The following CSMD1 variants were observed in gnomAD, a reference collection of about 807,000 sequenced individuals.
CSMD1 encodes CUB and Sushi multiple domains 1, also known as CUB and sushi domain-containing protein 1.
Under a neutral mutation model 417.5 loss-of-function variants are expected in CSMD1, and 213 were observed. That is an observed-to-expected ratio of 0.51 (90% CI 0.46 to 0.57). The LOEUF is 0.57. Among genes scored for constraint, CSMD1 ranks in the 20% least tolerant of loss-of-function variants. The probability of loss-of-function intolerance (pLI) is 0.00; values close to 1 mark genes in which losing one functional copy is unlikely to be tolerated. For synonymous variants in CSMD1, 2,862 were observed against 1,736.8 expected, an observed-to-expected ratio of 1.65 and a Z score of -16.11; for missense variants, 6,923 against 4,529.7, an observed-to-expected ratio of 1.53 and a Z score of -15.17.
chr8:2,962,149 G>C (rs1001668878), intron 61 of CSMD1, among the ~76,000 whole-genome samples: 1 of 152,180 alleles, frequency 6.6e-6, no homozygotes, highest in Non-Finnish European at 1.5e-5. Context: ...TTTAGAGAAT[G>C]TTCCTACCTG....
intron 46 of CSMD1, among the ~76,000 whole-genome samples, chr8:3,105,857 C>G (rs534793519): frequency 1.3e-5 from 2 of 152,264 alleles, no homozygotes; most frequent in Admixed American, 6.5e-5. Context: ...AAAGGAAATA[C>G]TTTGTAAGTT....
chr8:4,596,357 T>G (rs1256338679), intron 2 of CSMD1, among the ~76,000 whole-genome samples: 1 of 152,200 alleles, frequency 6.6e-6, no homozygotes, highest in East Asian at 1.9e-4. Flanking sequence ...TCTAAGGGTC[T>G]CAGGGAGACT....
chr8:4,240,952 C>A (rs1394167366), intron 3 of CSMD1, among the ~76,000 whole-genome samples: 1 of 152,092 alleles, frequency 6.6e-6, no homozygotes, highest in Non-Finnish European at 1.5e-5. Context: ...GACAATTATA[C>A]CTTCTAAATA....
chr8:3,827,637 C>T (rs1343830724), intron 5 of CSMD1, among the ~76,000 whole-genome samples: 2 of 152,164 alleles, frequency 1.3e-5, no homozygotes, highest in Admixed American at 6.6e-5. Flanking sequence ...TCTATAAAAA[C>T]CTCTTCGAAT....
chr8:4,169,929 C>T (rs938379960), intron 3 of CSMD1, among the ~76,000 whole-genome samples: 13 of 151,924 alleles, frequency 8.6e-5, no homozygotes, highest in Admixed American at 2.0e-4. Flanking sequence ...GAACGTAACT[C>T]AGAAGAGATT....
chr8:4,430,831 A>C (rs1797832413), intron 2 of CSMD1, among the ~76,000 whole-genome samples: 1 of 152,154 alleles, frequency 6.6e-6, no homozygotes, highest in African/African-American at 2.4e-5. Flanking sequence ...GTCACTGCAA[A>C]TACTTCACTC....
chr8:2,997,465 G>C (rs897909646), intron 54 of CSMD1, among the ~76,000 whole-genome samples: 1 of 152,150 alleles, frequency 6.6e-6, no homozygotes, highest in Non-Finnish European at 1.5e-5. Context: ...TCACACTAAA[G>C]TACAATACAC....
chr8:4,854,617 G>A lies in CSMD1; in HGVS notation c.85+139715C>T, dbSNP rs1801684402. On this transcript the variant is annotated intron_variant, in intron 1 of 69. Coordinates refer to ENST00000635120, the MANE Select transcript of CSMD1 (RefSeq NM_033225.6). The stretch of plus-strand genomic sequence containing the variant: ...CTCACTTGGGAAGCGGAAGGGGTCA[G>A]GGAGTTCCCTTTCTGAGTCAAAGAA... 2.0e-5 allele frequency among the ~76,000 whole-genome samples: 3 copies of A among 152,218 alleles called. No homozygotes were observed. In the South Asian group the frequency reaches 6.2e-4, roughly 31 times the overall value.
chr8:4,494,200 C>T (rs1801866264), intron 2 of CSMD1, among the ~76,000 whole-genome samples: 1 of 152,116 alleles, frequency 6.6e-6, no homozygotes, highest in African/African-American at 2.4e-5. Flanking sequence ...GTTAAGAAAC[C>T]AGCTCTATCT....
intron 5 of CSMD1, among the ~76,000 whole-genome samples, chr8:3,904,186 C>G (rs1258640802): frequency 6.6e-6 from 1 of 152,048 alleles, no homozygotes; most frequent in East Asian, 1.9e-4. Context: ...TCTGGAGAAC[C>G]GGCCTGTGTC....
At chr8:4,746,560 A>G (rs1280940581) in intron 1 of CSMD1, among the ~76,000 whole-genome samples, 1 of 152,218 alleles carries the variant, frequency 6.6e-6, no homozygotes, top group Admixed American at 6.5e-5. Context: ...GGCTTGCCCA[A>G]GTGAGAATGA....
chr8:4,110,554 C>T (rs776248532), intron 3 of CSMD1, among the ~76,000 whole-genome samples: 6 of 152,104 alleles, frequency 3.9e-5, no homozygotes, highest in Admixed American at 2.6e-4. Flanking sequence ...AATTTTTAAA[C>T]AATTTTCTGA....
At chr8:4,817,401 C>CA in intron 1 of CSMD1, among the ~76,000 whole-genome samples, 1 of 152,208 alleles carries the variant, frequency 6.6e-6, no homozygotes, top group Non-Finnish European at 1.5e-5. Context: ...CAACCTACGT[C>CA]AAGTCTCTGG....
intron 5 of CSMD1, among the ~76,000 whole-genome samples, chr8:3,866,712 G>C (rs1237127579): frequency 6.6e-6 from 1 of 152,014 alleles, no homozygotes; most frequent in East Asian, 1.9e-4. Context: ...CCATAAGGTA[G>C]TCCTTGGCCA....
chr8:3,561,946 G>C (rs1191004003), intron 10 of CSMD1, among the ~76,000 whole-genome samples: 2 of 152,176 alleles, frequency 1.3e-5, no homozygotes, highest in Non-Finnish European at 2.9e-5. Flanking sequence ...TCTCCCGTGA[G>C]CTGCGTGTGC....
intron 3 of CSMD1, among the ~76,000 whole-genome samples, chr8:4,056,338 C>A (rs981400516): frequency 6.6e-6 from 1 of 151,608 alleles, no homozygotes; most frequent in Admixed American, 6.6e-5. Context: ...CCGCGTCAGC[C>A]TCCCAAAGTG....
At chr8:4,592,532 G>T (rs549070239) in intron 2 of CSMD1, among the ~76,000 whole-genome samples, 73 of 151,922 alleles carry the variant, frequency 4.8e-4, no homozygotes, top group Non-Finnish European at 7.9e-4. Context: ...AACTACAGGG[G>T]CCGGCCACCA....
At chr8:4,357,946 G>A (rs1049799030) in intron 3 of CSMD1, among the ~76,000 whole-genome samples, 5 of 152,082 alleles carry the variant, frequency 3.3e-5, no homozygotes, top group African/African-American at 1.2e-4. Flanking sequence ...CCCATTGCTA[G>A]TGGTGTAATG....
At chr8:3,561,421 G>A (rs1409234040) in intron 10 of CSMD1, among the ~76,000 whole-genome samples, 1 of 152,004 alleles carries the variant, frequency 6.6e-6, no homozygotes, top group Non-Finnish European at 1.5e-5. Context: ...AGAAAATGCG[G>A]TATCTTTACA....
Sources: gnomAD v4.1 joint callset for allele counts (sites outside exome capture counted in the v4.1 genomes callset) on GRCh38, gnomAD v4.1.1 for gene constraint, MANE v1.5 for transcripts, NCBI Gene and HGNC (gene_info 2026-07-23, HGNC 2026-07-21) for gene names.